The following VEPH1 variants were observed in gnomAD, a reference collection of about 807,000 sequenced individuals.
The protein encoded by VEPH1 is ventricular zone-expressed PH domain-containing protein homolog 1.
In VEPH1, 80 loss-of-function variants were observed where a neutral mutation model predicts 85.2. The ratio of observed to expected loss-of-function variants is 0.94; its 90% CI spans 0.78 to 1.13. The LOEUF (loss-of-function observed/expected upper bound fraction) is 1.13. Ranked by LOEUF, VEPH1 falls within the 50% of genes most tolerant of loss-of-function variation. VEPH1 has a pLI of 0.00. For synonymous variants in VEPH1, 297 were observed against 348.0 expected, an observed-to-expected ratio of 0.85 and a Z score of 1.63; for missense variants, 955 against 980.5, an observed-to-expected ratio of 0.97 and a Z score of 0.35.
chr3:157,407,225 G>A (rs1462461309), intron 6 of VEPH1, among the ~76,000 whole-genome samples: 1 of 151,998 alleles, frequency 6.6e-6, no homozygotes, highest in Non-Finnish European at 1.5e-5. Context: ...CCTAGTTTGG[G>A]TTTAACTTAA....
intron 11 of VEPH1, among the ~76,000 whole-genome samples, chr3:157,303,709 A>G (rs962665162): frequency 2.0e-5 from 3 of 151,978 alleles, no homozygotes; most frequent in African/African-American, 7.2e-5. Context: ...TTTCCCCTTA[A>G]GCACTGGATT....
chr3:157,265,424 A>T, intron 13 of VEPH1, 102 bp downstream of exon 13: 1 of 1,300,338 alleles, frequency 7.7e-7, no homozygotes, highest in Non-Finnish European at 1.1e-6. Context: ...TGAAATGGAG[A>T]TGGAAAAATT....
At chr3:157,436,484 T>C (rs537174549) in intron 4 of VEPH1, among the ~76,000 whole-genome samples, 59 of 152,260 alleles carry the variant, frequency 3.9e-4, no homozygotes, top group African/African-American at 1.4e-3. Flanking sequence ...TGTGAAATAA[T>C]AACAGCTCAC....
At chr3:157,407,000 A>AC (rs1423136543) in intron 6 of VEPH1, among the ~76,000 whole-genome samples, 4 of 152,248 alleles carry the variant, frequency 2.6e-5, no homozygotes, top group African/African-American at 9.6e-5. Context: ...TCCCAAAAAA[A>AC]AAAAAAAAAT....
rs147454057 is a variant in VEPH1, at chr3:157,388,376, A to G, written c.907-7000T>C. Among the ~76,000 whole-genome samples the G allele has an allele frequency of 9.1e-4, 138 of 152,196 alleles. 1 individual carries two copies. The highest frequency in any genetic ancestry group is 3.1e-3 in the African/African-American group (128 of 41,538). On this transcript the variant is annotated intron_variant, in intron 6 of 13. Coordinates refer to ENST00000362010, the MANE Select transcript of VEPH1 (RefSeq NM_001167912.2). Reference sequence around the variant, plus strand: ...TGTACTAGACTCTCCTCCCACCCCAATGCTTCTTTGGCTGTGAGAAACTCT... The same window carrying G: ...TGTACTAGACTCTCCTCCCACCCCAGTGCTTCTTTGGCTGTGAGAAACTCT...
chr3:157,437,991 G>A, intron 4 of VEPH1: 1 of 1,475,254 alleles, frequency 6.8e-7, no homozygotes, highest in South Asian at 1.3e-5. Flanking sequence ...GCCAAGCCAG[G>A]CAACCTTCTA....
chr3:157,332,094 C>T (rs1358559152), intron 9 of VEPH1, among the ~76,000 whole-genome samples: 2 of 152,198 alleles, frequency 1.3e-5, no homozygotes, highest in Non-Finnish European at 2.9e-5. Flanking sequence ...CTACTGCTGG[C>T]ATAGAAGGGT....
At chr3:157,293,043 C>G (rs886449150) in intron 11 of VEPH1, among the ~76,000 whole-genome samples, 2 of 151,178 alleles carry the variant, frequency 1.3e-5, no homozygotes, top group African/African-American at 4.9e-5. Flanking sequence ...AACAGGTAGA[C>G]TGGTCACAAG....
chr3:157,286,574 T>G lies in VEPH1; in HGVS notation c.2111A>C (p.Asn704Thr). 6.2e-7 allele frequency: 1 copy of G among 1,614,068 alleles called. No individual in the cohort carries two copies. Among genetic ancestry groups the G allele is most frequent in the Non-Finnish European group, 8.5e-7 (1 of 1,179,920 alleles). ...AGAWQCFMCN[N>T]PEKATVVNQD... ...TCTCTCACCAGTTGCTTTCTCAGGATTGTTGCACATGAAGCATTGCCATGC... is the reference window on the plus strand; with the variant it reads ...TCTCTCACCAGTTGCTTTCTCAGGAGTGTTGCACATGAAGCATTGCCATGC... The change falls in exon 12 of 14, where the codon AAT becomes ACT. Residue 704 changes from asparagine to threonine, a missense_variant. By Grantham distance (65) the Asn-to-Thr change is moderately conservative (BLOSUM62 0). Transcript: ENST00000362010.
At chr3:157,289,496 G>A (rs140538088) in intron 11 of VEPH1, among the ~76,000 whole-genome samples, 43 of 152,296 alleles carry the variant, frequency 2.8e-4, no homozygotes, top group African/African-American at 9.6e-4. Context: ...AGCACACTTC[G>A]AATGGAAAGA....
At chr3:157,387,520 C>T (rs1729427290) in intron 6 of VEPH1, among the ~76,000 whole-genome samples, 1 of 152,114 alleles carries the variant, frequency 6.6e-6, no homozygotes, top group Admixed American at 6.5e-5. Flanking sequence ...CATCTGATTC[C>T]AGAGTTTGAA....
chr3:157,355,706 AG>A (rs1725349165), intron 9 of VEPH1, among the ~76,000 whole-genome samples: 1 of 152,216 alleles, frequency 6.6e-6, no homozygotes, highest in Non-Finnish European at 1.5e-5. Context: ...TATAAACTAC[AG>A]GGTTTTATAT....
At chr3:157,444,748 T>C (rs1560068008) in intron 4 of VEPH1, among the ~76,000 whole-genome samples, 1 of 152,372 alleles carries the variant, frequency 6.6e-6, no homozygotes, top group South Asian at 2.1e-4. Context: ...CAAACTCATA[T>C]GCTGACAGAA....
At chr3:157,314,330 C>CAAAAAAAAAAAAAAAA (rs34703314) in intron 10 of VEPH1, among the ~76,000 whole-genome samples, 8 of 43,196 alleles carry the variant, frequency 1.9e-4, no homozygotes, top group South Asian at 9.9e-4. Context: ...GAGGATCCGT[C>CAAAAAAAAAAAAAAAA]AAAAAAAAAA....
intron 6 of VEPH1, among the ~76,000 whole-genome samples, chr3:157,391,914 T>C (rs1729891548): frequency 7.0e-6 from 1 of 143,792 alleles, no homozygotes; most frequent in Admixed American, 7.1e-5. Context: ...CAAGGAGAGA[T>C]TGGGGGCCTA....
At chr3:157,473,050 T>G (rs1198628716) in intron 2 of VEPH1, among the ~76,000 whole-genome samples, 2 of 151,742 alleles carry the variant, frequency 1.3e-5, no homozygotes, top group Non-Finnish European at 2.9e-5. Context: ...TAATTAGTTT[T>G]TGCTGATTAA....
intron 7 of VEPH1, among the ~76,000 whole-genome samples, chr3:157,364,717 G>T (rs1477336410): frequency 6.6e-6 from 1 of 152,140 alleles, no homozygotes. Context: ...AGAAACAGTG[G>T]TGTTTATGTG....
chr3:157,425,641 A>G (rs1732702620), intron 5 of VEPH1, among the ~76,000 whole-genome samples: 1 of 152,216 alleles, frequency 6.6e-6, no homozygotes. Flanking sequence ...TCTAGGAAGT[A>G]ACCAACTTGC....
intron 4 of VEPH1, among the ~76,000 whole-genome samples, chr3:157,447,699 A>G (rs946549513): frequency 1.3e-5 from 2 of 149,766 alleles, no homozygotes; most frequent in African/African-American, 2.5e-5. Flanking sequence ...GGTTCAAGTG[A>G]TTCTTCTGCC....
Sources: gnomAD v4.1 joint callset for allele counts (sites outside exome capture counted in the v4.1 genomes callset) on GRCh38, gnomAD v4.1.1 for gene constraint, MANE v1.5 for transcripts, NCBI Gene and HGNC (gene_info 2026-07-23, HGNC 2026-07-21) for gene names.